Variants in TMTC2 observed in about 807,000 individuals in gnomAD.
TMTC2 encodes protein O-mannosyl-transferase TMTC2.
A neutral mutation model predicts 82.4 loss-of-function variants in TMTC2; 43 were observed. The observed-to-expected ratio is 0.52, with a 90% CI of 0.41 to 0.67. The LOEUF is 0.67. Among genes scored for constraint, TMTC2 ranks in the 30% least tolerant of loss-of-function variants. TMTC2 has a pLI of 0.00. For missense variants in TMTC2, 919 were observed against 1,012.4 expected (o/e 0.91, Z 1.25); for synonymous variants, 408 against 381.9 (o/e 1.07, Z -0.80).
chr12:82,831,964 A>G (rs1006537215), intron 1 of TMTC2, among the ~76,000 whole-genome samples: 5 of 152,200 alleles, frequency 3.3e-5, no homozygotes, highest in African/African-American at 9.7e-5. Context: ...TCTTCTTTGC[A>G]TTCCTTAGCA....
chr12:82,833,539 T>G (rs886528594), intron 1 of TMTC2, among the ~76,000 whole-genome samples: 2 of 152,242 alleles, frequency 1.3e-5, no homozygotes, highest in African/African-American at 4.8e-5. Context: ...TCAAAATGCT[T>G]TATTCATTCA....
Position 82,857,392 on chromosome 12 carries a change from A to T in TMTC2, c.466A>T (p.Ile156Phe), listed in dbSNP as rs760129852. The change falls in exon 2 of 12, where the codon ATT becomes TTT. Residue 156 changes from isoleucine to phenylalanine, a missense_variant. Physicochemically the swap from Ile to Phe is conservative, Grantham distance 21. Coordinates refer to ENST00000321196, the MANE Select transcript of TMTC2 (RefSeq NM_152588.3). ...CTTTCTCCTCTCCTTGCTCTGCTAC[A>T]TTAAACACTGTTCTACAAGAGGCTA... ...LFFLLSLLCY[I>F]KHCSTRGYSA... 16 of 1,614,158 alleles carry T rather than the reference A, an allele frequency of 9.9e-6. No homozygotes were observed. The highest frequency in any genetic ancestry group is 1.4e-5 in the Non-Finnish European group (16 of 1,180,032).
At chr12:83,039,112 A>T (rs1881793222) in intron 9 of TMTC2, among the ~76,000 whole-genome samples, 1 of 151,900 alleles carries the variant, frequency 6.6e-6, no homozygotes, top group Non-Finnish European at 1.5e-5. Flanking sequence ...TTGTATTTTT[A>T]GTAGAGACAA....
chr12:82,903,704 C>T (rs1009835412), intron 3 of TMTC2, among the ~76,000 whole-genome samples: 4 of 152,134 alleles, frequency 2.6e-5, no homozygotes, highest in East Asian at 3.9e-4. Flanking sequence ...TGAGCCACCG[C>T]GCCCCGCCGA....
intron 11 of TMTC2, among the ~76,000 whole-genome samples, chr12:83,100,379 T>G (rs75531763): frequency 2.7e-5 from 4 of 150,282 alleles, no homozygotes; most frequent in East Asian, 4.1e-4. Context: ...TTTGTTTGTG[T>G]TTTTTTTGTT....
At chr12:82,890,430 A>T (rs1873336822) in intron 2 of TMTC2, among the ~76,000 whole-genome samples, 1 of 152,284 alleles carries the variant, frequency 6.6e-6, no homozygotes, top group East Asian at 1.9e-4. Context: ...CTAAGAATTC[A>T]ATTTGTCCCA....
At chr12:82,948,111 A>C (rs1226406238) in intron 4 of TMTC2, among the ~76,000 whole-genome samples, 1 of 152,212 alleles carries the variant, frequency 6.6e-6, no homozygotes, top group Admixed American at 6.5e-5. Context: ...TCACATCTGT[A>C]ATCCAGCACT....
chr12:83,077,563 T>G (rs866382647), intron 11 of TMTC2, among the ~76,000 whole-genome samples: 30 of 152,058 alleles, frequency 2.0e-4, no homozygotes, highest in Middle Eastern at 3.4e-3. Context: ...TTTACCTTGT[T>G]AATGTGTCTT....
intron 2 of TMTC2, among the ~76,000 whole-genome samples, chr12:82,860,747 A>T (rs1871499841): frequency 6.6e-6 from 1 of 152,224 alleles, no homozygotes; most frequent in South Asian, 2.1e-4. Context: ...AACTGCCAGT[A>T]GTCTCTACAC....
rs575637914 is a variant in TMTC2 at position 82,735,522 on chromosome 12, T to G, written c.83+47853T>G. Among the ~76,000 whole-genome samples the G allele has an allele frequency of 2.6e-3, 400 of 151,938 alleles. 2 individuals carry two copies. Among genetic ancestry groups the G allele is most frequent in the African/African-American group, 8.6e-3 (359 of 41,514 alleles). On this transcript the variant is annotated intron_variant, in intron 1 of 11. Transcript: ENST00000321196. ...CACCACGCCCGGCTAATTTTTTGTATTTTTAGTAGAGACGAAGTTTCACTG... is the reference window on the plus strand; with the variant it reads ...CACCACGCCCGGCTAATTTTTTGTAGTTTTAGTAGAGACGAAGTTTCACTG...
intron 4 of TMTC2, among the ~76,000 whole-genome samples, chr12:82,957,435 G>T (rs892622840): frequency 6.6e-6 from 1 of 152,134 alleles, no homozygotes; most frequent in African/African-American, 2.4e-5. Flanking sequence ...AGGCTAGGAA[G>T]ATTTTAAATT....
rs2137378566 is a variant in TMTC2, at chr12:83,006,816, C to T, written c.2070+20770C>T. Among the ~76,000 whole-genome samples, 3 of 152,244 alleles carry T rather than the reference C, an allele frequency of 2.0e-5. 1 individual carries two copies. The South Asian group carries it at 6.2e-4, about 32-fold the overall frequency. ...GTCCTTTGCAGGGATATGGATAAAG[C>T]TGGAAACCATCATTCTCAGCAAACT... On this transcript the variant is annotated intron_variant, in intron 8 of 11. Coordinates refer to ENST00000321196, the MANE Select transcript of TMTC2 (RefSeq NM_152588.3).
chr12:82,930,553 T>C lies in TMTC2; in HGVS notation c.1598+8T>C. 1 of 1,553,226 alleles carries C rather than the reference T, an allele frequency of 6.4e-7. No homozygotes were observed. Among genetic ancestry groups the C allele is most frequent in the Non-Finnish European group, 8.8e-7 (1 of 1,133,744 alleles). On this transcript the variant is annotated splice_region_variant and intron_variant, in intron 4 of 11. Transcript: ENST00000321196. ...TGACATGCTTTATAATTTGTGAGTA[T>C]GCCTTGCTTCTCTGGTTTGGTTCGT...
At chr12:82,875,022 C>CA (rs994911630) in intron 2 of TMTC2, among the ~76,000 whole-genome samples, 7 of 152,076 alleles carry the variant, frequency 4.6e-5, no homozygotes, top group African/African-American at 1.7e-4. Flanking sequence ...GCCAGATAGT[C>CA]AATGTTTTTT....
intron 1 of TMTC2, among the ~76,000 whole-genome samples, chr12:82,854,658 G>T (rs1871160008): frequency 6.6e-6 from 1 of 152,168 alleles, no homozygotes; most frequent in African/African-American, 2.4e-5. Flanking sequence ...AAAAGAGAGA[G>T]AATAGATATT....
chr12:83,032,679 G>A (rs2137426099), intron 9 of TMTC2, among the ~76,000 whole-genome samples: 1 of 151,900 alleles, frequency 6.6e-6, no homozygotes, highest in East Asian at 1.9e-4. Flanking sequence ...CAAATAGCTG[G>A]GATTACAGGC....
At position 82,844,363 on chromosome 12, in the gene TMTC2, G is replaced by A. The variant is rs529459561; in HGVS notation, c.84-12647G>A. On this transcript the variant is annotated intron_variant, in intron 1 of 11. Transcript: ENST00000321196. The stretch of plus-strand genomic sequence containing the variant: ...GGTGTATTCTTAGCTTGCCATGCCT[G>A]CATCCTTAGAGAGTATATTTGGATA... Among the ~76,000 whole-genome samples the A allele has an allele frequency of 2.3e-4, 35 of 152,284 alleles. 1 individual carries two copies. The South Asian group carries it at 6.8e-3, about 30-fold the overall frequency.
rs1441847776 is a variant in TMTC2 at position 83,050,886 on chromosome 12, G to T, written c.2153-18G>T. 6.3e-7 allele frequency: 1 copy of T among 1,579,314 alleles called. No individual in the cohort carries two copies. The highest frequency in any genetic ancestry group is 8.7e-7 in the Non-Finnish European group (1 of 1,154,530). ...GGGATTTTCTGAGTTGAAGCTCACT[G>T]GTTTTTATACTTTTCAGGTCAGTTT... is the stretch of plus-strand genomic sequence containing the variant. On this transcript the variant is annotated intron_variant, in intron 9 of 11. Coordinates refer to ENST00000321196, the MANE Select transcript of TMTC2 (RefSeq NM_152588.3).
chr12:82,934,494 C>T (rs986477788), intron 4 of TMTC2, among the ~76,000 whole-genome samples: 3 of 151,120 alleles, frequency 2.0e-5, no homozygotes, highest in Non-Finnish European at 2.9e-5. Context: ...GTTTTCTGTT[C>T]CTGTGTTGGT....
Sources: allele counts gnomAD v4.1 joint callset (sites outside exome capture counted in the v4.1 genomes callset), GRCh38; gene constraint gnomAD v4.1.1; transcripts MANE v1.5; gene names NCBI Gene and HGNC (gene_info 2026-07-23, HGNC 2026-07-21).